Variants in CARMIL1 observed in about 807,000 individuals in gnomAD.
CARMIL1 encodes the protein F-actin-uncapping protein LRRC16A.
Under a neutral mutation model 177.1 loss-of-function variants are expected in CARMIL1, and 90 were observed. That is an observed-to-expected ratio of 0.51 (90% CI 0.43 to 0.61). CARMIL1 has a LOEUF of 0.61. Ranked by LOEUF, CARMIL1 falls within the 20% of genes least tolerant of loss-of-function variation. The pLI is 0.00. For synonymous variants in CARMIL1, 577 were observed against 606.2 expected (o/e 0.95, Z 0.71); for missense variants, 1,380 against 1,667.0 (o/e 0.83, Z 3.00).
chr6:25,459,269 T>TCTTTCTTTCTTTCTTTCTTTCTC (rs56094712), intron 8 of CARMIL1, among the ~76,000 whole-genome samples: 1 of 118,168 alleles, frequency 8.5e-6, no homozygotes, highest in African/African-American at 3.2e-5. Context: ...TTTCTTTCTT[T>TCTTTCTTTCTTTCTTTCTTTCTC]TTTTTTTTTT....
intron 24 of CARMIL1, 43 bp from the exon 25 acceptor site, chr6:25,537,812 G>T (rs1415507298): frequency 1.9e-6 from 3 of 1,604,732 alleles, no homozygotes; most frequent in African/African-American, 2.7e-5. Flanking sequence ...CTGAATATCG[G>T]CTGGGCTGAC....
At chr6:25,507,017 G>T (rs193279766) in intron 17 of CARMIL1, among the ~76,000 whole-genome samples, 6 of 152,094 alleles carry the variant, frequency 3.9e-5, no homozygotes, top group Non-Finnish European at 8.8e-5. Context: ...AAAGAAAGAC[G>T]ATTTTATTTT....
chr6:25,526,677 C>T (rs1253056051), intron 23 of CARMIL1, among the ~76,000 whole-genome samples: 3 of 151,980 alleles, frequency 2.0e-5, no homozygotes, highest in South Asian at 2.1e-4. Flanking sequence ...TTCAGCCTCC[C>T]GAGTAGCTAG....
intron 8 of CARMIL1, among the ~76,000 whole-genome samples, chr6:25,455,283 A>G (rs1221664922): frequency 2.0e-5 from 3 of 152,176 alleles, no homozygotes; most frequent in African/African-American, 4.8e-5. Context: ...CTGACTGGCC[A>G]TCATCCAAAG....
At chr6:25,533,075 C>T (rs1807928745) in intron 24 of CARMIL1, among the ~76,000 whole-genome samples, 1 of 152,020 alleles carries the variant, frequency 6.6e-6, no homozygotes, top group Admixed American at 6.6e-5. Flanking sequence ...GAGGAGGGGG[C>T]TTTACTTCTT....
intron 34 of CARMIL1, among the ~76,000 whole-genome samples, chr6:25,605,478 A>ACTT (rs1361550367): frequency 6.6e-6 from 1 of 152,192 alleles, no homozygotes; most frequent in African/African-American, 2.4e-5. Context: ...GTGCAGTAAG[A>ACTT]GTTGGATGAT....
At chr6:25,483,441 G>A (rs749757015) in intron 12 of CARMIL1, among the ~76,000 whole-genome samples, 4 of 152,092 alleles carry the variant, frequency 2.6e-5, no homozygotes, top group Non-Finnish European at 1.5e-5. Flanking sequence ...CACAGGTAGA[G>A]TTAAATGATT....
intron 11 of CARMIL1, among the ~76,000 whole-genome samples, chr6:25,480,729 C>CTTTT (rs1309021528): frequency 2.7e-5 from 3 of 112,728 alleles, no homozygotes; most frequent in Non-Finnish European, 3.7e-5. Context: ...TATTTGTTTC[C>CTTTT]TTTTTTTTTT....
chr6:25,357,707 C>T (rs979504932), intron 2 of CARMIL1, among the ~76,000 whole-genome samples: 1 of 152,152 alleles, frequency 6.6e-6, no homozygotes, highest in Admixed American at 6.5e-5. Context: ...GGATAAGCTT[C>T]TCAGTATAAA....
intron 2 of CARMIL1, among the ~76,000 whole-genome samples, chr6:25,388,942 A>G (rs1008252752): frequency 1.3e-5 from 2 of 150,482 alleles, no homozygotes; most frequent in Non-Finnish European, 3.0e-5. Context: ...GTCGGCCTCC[A>G]AAAGTGCTGA....
At chr6:25,397,688 T>G (rs1279831280) in intron 2 of CARMIL1, among the ~76,000 whole-genome samples, 1 of 152,172 alleles carries the variant, frequency 6.6e-6, no homozygotes, top group Non-Finnish European at 1.5e-5. Flanking sequence ...GAAATGCTAT[T>G]ATCTGGATAA....
intron 1 of CARMIL1, among the ~76,000 whole-genome samples, chr6:25,281,953 A>G (rs1489294366): frequency 6.6e-6 from 1 of 151,966 alleles, no homozygotes; most frequent in Non-Finnish European, 1.5e-5. Flanking sequence ...GGTCTCTACT[A>G]AAAATACAAA....
chr6:25,451,986 G>GCTCCACCCCCCCCCCCCCCCC, intron 8 of CARMIL1: 1 of 112,672 alleles, frequency 8.9e-6, no homozygotes, highest in Non-Finnish European at 1.7e-5. Context: ...CTAGCATCTT[G>GCTCCACCCCCCCCCCCCCCCC]CCCCCCCCTC....
chr6:25,345,878 A>T (rs1456149696), intron 2 of CARMIL1, among the ~76,000 whole-genome samples: 2 of 152,160 alleles, frequency 1.3e-5, no homozygotes, highest in Non-Finnish European at 2.9e-5. Context: ...TGGTCTCCCA[A>T]AGTGCTGGGA....
chr6:25,607,150 CA>C (rs1296007042), intron 35 of CARMIL1, among the ~76,000 whole-genome samples: 2 of 150,250 alleles, frequency 1.3e-5, no homozygotes, highest in African/African-American at 4.9e-5. Context: ...CACCCTATCT[CA>C]AAAAAACCAA....
At chr6:25,440,063 C>T (rs955707933) in intron 5 of CARMIL1, among the ~76,000 whole-genome samples, 3 of 152,164 alleles carry the variant, frequency 2.0e-5, no homozygotes. Context: ...GTTCTTGGCA[C>T]ATAGTAGGTA....
At chr6:25,458,361 C>T (rs909717333) in intron 8 of CARMIL1, among the ~76,000 whole-genome samples, 5 of 151,854 alleles carry the variant, frequency 3.3e-5, no homozygotes, top group African/African-American at 7.3e-5. Context: ...GGTGGCACGT[C>T]GCCTGTAGCC....
At chr6:25,518,345 T>C (rs1251390845) in intron 22 of CARMIL1, among the ~76,000 whole-genome samples, 1 of 152,204 alleles carries the variant, frequency 6.6e-6, no homozygotes, top group Non-Finnish European at 1.5e-5. Flanking sequence ...TTAAATCTTT[T>C]TTCATGAAAT....
At chr6:25,421,547 T>C (rs1296542556) in intron 3 of CARMIL1, among the ~76,000 whole-genome samples, 1 of 152,066 alleles carries the variant, frequency 6.6e-6, no homozygotes, top group Non-Finnish European at 1.5e-5. Flanking sequence ...GGACTATAAA[T>C]CATGCTGCTA....
Sources: gnomAD v4.1 joint callset for allele counts (sites outside exome capture counted in the v4.1 genomes callset) on GRCh38, gnomAD v4.1.1 for gene constraint, MANE v1.5 for transcripts, NCBI Gene and HGNC (gene_info 2026-07-23, HGNC 2026-07-21) for gene names.